ITGB5: variants seen among roughly 807,000 people sequenced by gnomAD.
ITGB5 encodes the protein integrin beta-5.
A neutral mutation model predicts 84.8 loss-of-function variants in ITGB5; 38 were observed. The ratio of observed to expected loss-of-function variants is 0.45; its 90% CI spans 0.35 to 0.59. ITGB5 has a LOEUF of 0.59. Ranked by LOEUF, ITGB5 falls within the 20% of genes least tolerant of loss-of-function variation. The pLI is 0.01. For missense variants in ITGB5, 905 were observed against 1,034.5 expected, an observed-to-expected ratio of 0.87 and a Z score of 1.72; for synonymous variants, 393 against 414.4, an observed-to-expected ratio of 0.95 and a Z score of 0.63.
chr3:124,873,014 G>A (rs1193119527), intron 2 of ITGB5, among the ~76,000 whole-genome samples: 1 of 149,890 alleles, frequency 6.7e-6, no homozygotes, highest in Non-Finnish European at 1.5e-5. Flanking sequence ...ATTCCATAAA[G>A]GCTAATTCCT....
intron 9 of ITGB5, among the ~76,000 whole-genome samples, chr3:124,797,806 A>C (rs899366047): frequency 3.3e-5 from 5 of 152,134 alleles, no homozygotes; most frequent in African/African-American, 1.2e-4. Context: ...GGATTCTATG[A>C]AAACGCACAG....
chr3:124,900,469 A>C (rs970923585), intron 1 of ITGB5, among the ~76,000 whole-genome samples: 2 of 152,204 alleles, frequency 1.3e-5, no homozygotes, highest in Non-Finnish European at 2.9e-5. Flanking sequence ...GAATTTCCTT[A>C]TTGGCCCACA....
intron 4 of ITGB5, among the ~76,000 whole-genome samples, chr3:124,844,338 T>A (rs976981106): frequency 6.6e-6 from 1 of 151,622 alleles, no homozygotes; most frequent in African/African-American, 2.4e-5. Flanking sequence ...GGCAGGCAGA[T>A]CACCTGAGGT....
At chr3:124,766,154 A>G (rs1200919103) in intron 13 of ITGB5, 72 bp downstream of exon 13, 4 of 1,525,510 alleles carry the variant, frequency 2.6e-6, no homozygotes, top group Non-Finnish European at 3.6e-6. Context: ...GTGGTCCCAG[A>G]GCAGAGAATG....
In ITGB5 at chr3:124,809,104, T is replaced by C. The variant is rs948992079; in HGVS notation, c.1181A>G (p.Asn394Ser). 1 of 1,613,996 alleles carries C rather than the reference T, an allele frequency of 6.2e-7. No homozygotes were observed. The part of the protein sequence containing the change: ...LSVWDQPEDL[N>S]LFFTATCQDG... ...TTGGCAGGTAGCAGTAAAGAAGAGA[T>C]TAAGATCCTCAGGCTGATCCCAGAC... Residue 394 changes from asparagine (N) to serine (S), a missense_variant, in exon 9 of 15, where the codon AAT becomes AGT. By Grantham distance (46) the Asn-to-Ser change is conservative. This residue lies in a region of ITGB5 where 656 missense variants were observed against 734.7 expected (regional missense o/e 0.89). Transcript: ENST00000296181.
intron 8 of ITGB5, among the ~76,000 whole-genome samples, chr3:124,815,822 C>T (rs568131195): frequency 5.3e-5 from 8 of 152,298 alleles, no homozygotes; most frequent in African/African-American, 1.7e-4. Context: ...AACCAGCTTA[C>T]GTGTTCCCCC....
intron 10 of ITGB5, among the ~76,000 whole-genome samples, chr3:124,785,167 C>T (rs1347603557): frequency 2.6e-5 from 4 of 152,206 alleles, no homozygotes; most frequent in Non-Finnish European, 5.9e-5. Context: ...TGCCAGTCTT[C>T]TCAGCCGTAG....
intron 2 of ITGB5, among the ~76,000 whole-genome samples, chr3:124,871,046 C>T (rs1479770809): frequency 6.6e-6 from 1 of 152,070 alleles, no homozygotes; most frequent in African/African-American, 2.4e-5. Flanking sequence ...TGCACTAGCA[C>T]ACCCAGCTAA....
chr3:124,877,578 G>A (rs1934383323), intron 1 of ITGB5, among the ~76,000 whole-genome samples: 1 of 152,140 alleles, frequency 6.6e-6, no homozygotes, highest in Non-Finnish European at 1.5e-5. Flanking sequence ...AGATGAGCTA[G>A]TCAAGTTGCC....
chr3:124,778,129 T>C (rs2063950880), intron 10 of ITGB5, among the ~76,000 whole-genome samples: 1 of 152,244 alleles, frequency 6.6e-6, no homozygotes, highest in Non-Finnish European at 1.5e-5. Flanking sequence ...TTGAATTTAA[T>C]AGTGCCTGCG....
intron 5 of ITGB5, among the ~76,000 whole-genome samples, chr3:124,827,935 G>A (rs2064806544): frequency 7.1e-6 from 1 of 141,444 alleles, no homozygotes; most frequent in African/African-American, 2.7e-5. Flanking sequence ...AACCCCCTTT[G>A]ACTGTAATTT....
At position 124,817,600 on chromosome 3, in the gene ITGB5, G is replaced by A. The variant is rs374043404; in HGVS notation, c.1128+21C>T. 2.9e-5 allele frequency: 39 copies of A among 1,341,888 alleles called. 1 individual carries two copies. The highest frequency in any genetic ancestry group is 1.5e-4 in the East Asian group (6 of 39,582). 83.1% of individuals were successfully genotyped at this position (1,341,888 alleles called of 1,614,324 possible). ...GAGGGTGGAAGGGAGGTGGCAGTGGGGGAAGAAACTGATGACTTACATTGT... is the reference window on the plus strand; with the variant it reads ...GAGGGTGGAAGGGAGGTGGCAGTGGAGGAAGAAACTGATGACTTACATTGT... On this transcript the variant is annotated intron_variant, in intron 8 of 14. Transcript: ENST00000296181.
intron 10 of ITGB5, among the ~76,000 whole-genome samples, chr3:124,775,931 C>G (rs2063920612): frequency 6.6e-6 from 1 of 152,242 alleles, no homozygotes; most frequent in Admixed American, 6.5e-5. Context: ...CCTCCCAACC[C>G]TCCTGTGCTC....
intron 2 of ITGB5, among the ~76,000 whole-genome samples, chr3:124,868,522 T>A (rs1444551349): frequency 6.7e-6 from 1 of 149,846 alleles, no homozygotes; most frequent in Non-Finnish European, 1.5e-5. Context: ...GCTCACTGTC[T>A]GTAATCCCAG....
chr3:124,856,779 C>T (rs900133259), intron 3 of ITGB5, among the ~76,000 whole-genome samples: 66 of 152,298 alleles, frequency 4.3e-4, no homozygotes, highest in African/African-American at 1.5e-3. Context: ...ATATCCCTTT[C>T]GGTCCAAACC....
upstream of ITGB5, among the ~76,000 whole-genome samples, chr3:124,889,794 G>A (rs1934957571): frequency 6.6e-6 from 1 of 152,144 alleles, no homozygotes; most frequent in Admixed American, 6.5e-5. Flanking sequence ...CGGGTGGATA[G>A]CTTGAGGCCA....
At chr3:124,869,310 T>C (rs2065441358) in intron 2 of ITGB5, among the ~76,000 whole-genome samples, 1 of 152,208 alleles carries the variant, frequency 6.6e-6, no homozygotes, top group South Asian at 2.1e-4. Flanking sequence ...GCGTGTTGGC[T>C]CACGCCTGTA....
rs201313084 is a variant in ITGB5, at chr3:124,864,352, C to T, written c.157-4906G>A. Among the ~76,000 whole-genome samples the T allele has an allele frequency of 7.9e-5, 12 of 152,034 alleles. No individual in the cohort carries two copies. The East Asian group carries it at 2.1e-3, about 27-fold the overall frequency. ...CGATCTCCTGACCTCATGATCCACCCGCCTCAGCCTCCCAAAGTGCTGGGA... is the reference window on the plus strand; with the variant it reads ...CGATCTCCTGACCTCATGATCCACCTGCCTCAGCCTCCCAAAGTGCTGGGA... On this transcript the variant is annotated intron_variant, in intron 2 of 14. Coordinates refer to ENST00000296181, the MANE Select transcript of ITGB5 (RefSeq NM_002213.5).
chr3:124,877,620 G>C (rs1319074777), intron 1 of ITGB5, among the ~76,000 whole-genome samples: 1 of 152,140 alleles, frequency 6.6e-6, no homozygotes, highest in Non-Finnish European at 1.5e-5. Flanking sequence ...AAGATAATGA[G>C]AGTATGTGAC....
Sources: gnomAD v4.1 joint callset for allele counts (sites outside exome capture counted in the v4.1 genomes callset) on GRCh38, gnomAD v4.1.1 for gene constraint, gnomAD v4.1.1 regional missense constraint, MANE v1.5 for transcripts, NCBI Gene and HGNC (gene_info 2026-07-23, HGNC 2026-07-21) for gene names.